The following BARD1 variants were observed in gnomAD, a reference collection of about 807,000 sequenced individuals.
BARD1 encodes BRCA1 associated RING domain 1.
In BARD1, 73 loss-of-function variants were observed where a neutral mutation model predicts 77.0. The observed-to-expected ratio is 0.95, with a 90% CI of 0.79 to 1.15. The LOEUF (loss-of-function observed/expected upper bound fraction) is 1.15. BARD1 is among the 50% of genes most tolerant of loss of function. BARD1 has a pLI of 0.00. For synonymous variants in BARD1, 384 were observed against 338.0 expected (o/e 1.14, Z -1.49); for missense variants, 993 against 938.8 (o/e 1.06, Z -0.75).
intron 9 of BARD1, among the ~76,000 whole-genome samples, chr2:214,736,186 T>C (rs111601859): frequency 0.03 from 4,580 of 152,118 alleles, 223 homozygotes; most frequent in African/African-American, 0.1. Context: ...TAAATATTAA[T>C]TTTATTATAC....
Position 214,767,508 on chromosome 2 carries a change from A to C in BARD1, c.1542T>G (p.Leu514=), listed in dbSNP as rs770358347. The change falls in exon 6 of 11, where the codon CTT becomes CTG. Residue 514 remains leucine, a synonymous_variant. Transcript: ENST00000260947. ...NGHVDIVKLL[L]SYGASRNAVN... is the part of the protein sequence containing the mutation. ...CAGCATTTCTGGAGGCTCCATAGGA[A>C]AGTAACAGCTTGACTATATCCACAT... is the stretch of plus-strand genomic sequence containing the variant. 1.9e-6 allele frequency: 3 copies of C among 1,613,906 alleles called. No homozygotes were observed. The highest frequency in any genetic ancestry group is 2.7e-5 in the African/African-American group (2 of 75,036).
intron 3 of BARD1, among the ~76,000 whole-genome samples, chr2:214,786,180 T>C (rs566674137): frequency 6.6e-6 from 1 of 151,394 alleles, no homozygotes; most frequent in Non-Finnish European, 1.5e-5. Flanking sequence ...TGTTACAAGG[T>C]GTTCAATAAC....
chr2:214,797,107 G>C lies in BARD1; in HGVS notation c.169C>G (p.Leu57Val). Reference protein sequence around the residue: ...LLRCSRCTNILREPVCLGGCE... With the variant: ...LLRCSRCTNIVREPVCLGGCE... Reference sequence around the variant, plus strand: ...CCTCCTAAACACACAGGCTCTCTCAGAATGTTAGTACTGTTTGAAGAAATT... The same window carrying C: ...CCTCCTAAACACACAGGCTCTCTCACAATGTTAGTACTGTTTGAAGAAATT... Residue 57 changes from leucine (L) to valine (V), a missense_variant, in exon 2 of 11, where the codon CTG becomes GTG. Transcript: ENST00000260947. 3.7e-6 allele frequency: 6 copies of C among 1,612,704 alleles called. No homozygotes were observed. Among genetic ancestry groups the C allele is most frequent in the Non-Finnish European group, 5.1e-6 (6 of 1,178,886 alleles).
chr2:214,759,543 T>A (rs77154075), intron 6 of BARD1, among the ~76,000 whole-genome samples: 3,587 of 152,028 alleles, frequency 0.024, 139 homozygotes, highest in African/African-American at 0.081. Flanking sequence ...GTACTTTTTT[T>A]ATGCAAAAAA....
In BARD1 at chr2:214,727,150, T is replaced by C. The variant is rs1055653777; in HGVS notation, c.*1526A>G. On this transcript the variant is annotated 3_prime_UTR_variant, in exon 11 of 11. Coordinates refer to ENST00000260947, the MANE Select transcript of BARD1 (RefSeq NM_000465.4). ...TTGTAGAGAGTGTTTCAGAGCTAAT[T>C]CACCCAGCAAGGTCAGGGTCAAAAG... The C allele has an allele frequency of 4.6e-6, 1 of 218,508 alleles. No individual in the cohort carries two copies. Among genetic ancestry groups the C allele is most frequent in the Admixed American group, 5.8e-5 (1 of 17,288 alleles). The allele number at this position is 218,508 out of a possible 1,614,324, so 13.5% of individuals were successfully genotyped here.
chr2:214,752,070 C>G (rs1042057409), intron 7 of BARD1, among the ~76,000 whole-genome samples: 1 of 152,260 alleles, frequency 6.6e-6, no homozygotes, highest in Non-Finnish European at 1.5e-5. Flanking sequence ...CTCCACCCAA[C>G]GACACTCTAC....
intron 8 of BARD1, 58 bp downstream of exon 8, chr2:214,745,664 A>G: frequency 6.3e-7 from 1 of 1,590,282 alleles, no homozygotes. Context: ...TAGTTCTCCA[A>G]AAGGATCATC....
intron 3 of BARD1, among the ~76,000 whole-genome samples, chr2:214,784,131 T>C (rs1485618695): frequency 2.0e-5 from 3 of 152,074 alleles, no homozygotes; most frequent in Non-Finnish European, 2.9e-5. Context: ...TTGCAATCTA[T>C]ACATCTGACA....
chr2:214,755,526 C>A (rs951239026), intron 6 of BARD1, among the ~76,000 whole-genome samples: 1 of 152,100 alleles, frequency 6.6e-6, no homozygotes, highest in African/African-American at 2.4e-5. Flanking sequence ...AGGTATCAAA[C>A]TGATAAAGTA....
intron 10 of BARD1, 94 bp downstream of exon 10, chr2:214,730,317 C>T: frequency 9.5e-7 from 1 of 1,054,660 alleles, no homozygotes; most frequent in Non-Finnish European, 1.5e-6. Flanking sequence ...AATCAGTCAC[C>T]TGTAGCTGTT....
At position 214,809,673 on chromosome 2, in the gene BARD1, T is replaced by G; in HGVS notation, c.-104A>C. On this transcript the variant is annotated 5_prime_UTR_variant, in exon 1 of 11. Coordinates refer to ENST00000260947, the MANE Select transcript of BARD1 (RefSeq NM_000465.4). ...CAGCGACTCGAAACCGGCCAAGCTCTTCCCGCGTCTGGGACGGCGGGCCGC... is the reference window on the plus strand; with the variant it reads ...CAGCGACTCGAAACCGGCCAAGCTCGTCCCGCGTCTGGGACGGCGGGCCGC... 1.6e-4 allele frequency: 233 copies of G among 1,435,324 alleles called. No homozygotes were observed. Among genetic ancestry groups the G allele is most frequent in the Middle Eastern group, 2.4e-4 (1 of 4,096 alleles). 88.9% of individuals were successfully genotyped at this position (1,435,324 alleles called of 1,614,324 possible). A position where few individuals can be genotyped will look rare whatever the true frequency, so the allele number is the denominator to read the frequency against.
chr2:214,803,520 G>A (rs1408637522), intron 1 of BARD1, among the ~76,000 whole-genome samples: 3 of 152,190 alleles, frequency 2.0e-5, no homozygotes, highest in Non-Finnish European at 2.9e-5. Context: ...GCATTGAGAT[G>A]TTTCTGTGTA....
chr2:214,770,594 G>A (rs1279088060), intron 4 of BARD1, among the ~76,000 whole-genome samples: 4 of 152,152 alleles, frequency 2.6e-5, no homozygotes, highest in Admixed American at 6.5e-5. Context: ...TTAAGACACC[G>A]TCAATTATTA....
chr2:214,808,749 G>A (rs1049444180), intron 1 of BARD1, among the ~76,000 whole-genome samples: 2 of 152,206 alleles, frequency 1.3e-5, no homozygotes, highest in Non-Finnish European at 2.9e-5. Context: ...AAAACCCTGA[G>A]AGGACTCCCA....
chr2:214,788,185 TA>T (rs1056276248), intron 3 of BARD1, among the ~76,000 whole-genome samples: 1 of 132,956 alleles, frequency 7.5e-6, no homozygotes, highest in African/African-American at 2.7e-5. Context: ...ATAATCAAAG[TA>T]TTTTTTTTTT....
rs773179856 is a variant in BARD1 at position 214,728,811 on chromosome 2, G to T, written c.2199C>A (p.Cys733Ter). ...AATCTTCATAGATGATATACTGTGTGCAGAAGCGCTGATCAGAATCGGGTC... is the reference window on the plus strand; with the variant it reads ...AATCTTCATAGATGATATACTGTGTTCAGAAGCGCTGATCAGAATCGGGTC... ...HARPDSDQRF[C>*]TQYIIYEDLC... The change falls in exon 11 of 11, where the codon TGC (cysteine) becomes TGA (stop). Residue 733 changes from cysteine (C) to a stop codon, truncating the protein, a stop_gained. Transcript: ENST00000260947. LOFTEE classifies it high-confidence loss of function. 6.2e-7 allele frequency: 1 copy of T among 1,614,234 alleles called. No individual in the cohort carries two copies. The highest frequency in any genetic ancestry group is 8.5e-7 in the Non-Finnish European group (1 of 1,180,040).
chr2:214,756,437 A>G (rs1371307583), intron 6 of BARD1, among the ~76,000 whole-genome samples: 3 of 152,240 alleles, frequency 2.0e-5, no homozygotes, highest in African/African-American at 7.2e-5. Context: ...TTAAAGAACT[A>G]AAAGTAGAGC....
At chr2:214,739,134 G>A (rs1559380845) in intron 9 of BARD1, among the ~76,000 whole-genome samples, 1 of 152,068 alleles carries the variant, frequency 6.6e-6, no homozygotes. Flanking sequence ...GTGTGACAGA[G>A]TGAGGGAGGG....
At chr2:214,800,371 C>T (rs903686549) in intron 1 of BARD1, among the ~76,000 whole-genome samples, 4 of 152,028 alleles carry the variant, frequency 2.6e-5, no homozygotes, top group African/African-American at 9.7e-5. Context: ...GTGTGTGAGC[C>T]AAGCTGAGAG....
Sources: allele counts gnomAD v4.1 joint callset (sites outside exome capture counted in the v4.1 genomes callset), GRCh38; gene constraint gnomAD v4.1.1; transcripts MANE v1.5; gene names NCBI Gene and HGNC (gene_info 2026-07-23, HGNC 2026-07-21).